The following GRIP1 variants were observed in gnomAD, a reference collection of about 807,000 sequenced individuals.
The protein encoded by GRIP1 is glutamate receptor interacting protein 1, also known as glutamate receptor-interacting protein 1.
A neutral mutation model predicts 129.9 loss-of-function variants in GRIP1; 45 were observed. The ratio of observed to expected loss-of-function variants is 0.35; its 90% confidence interval spans 0.27 to 0.44. The LOEUF (loss-of-function observed/expected upper bound fraction) is 0.44. Ranked by LOEUF, GRIP1 falls within the 20% of genes least tolerant of loss-of-function variation. The pLI is 1.00. For missense variants in GRIP1, 1,196 were observed against 1,396.8 expected, an observed-to-expected ratio of 0.86 and a Z score of 2.29; for synonymous variants, 530 against 520.8, an observed-to-expected ratio of 1.02 and a Z score of -0.24.
chr12:67,061,479 AT>A (rs1165918101), intron 1 of GRIP1, among the ~76,000 whole-genome samples: 1 of 152,224 alleles, frequency 6.6e-6, no homozygotes, highest in African/African-American at 2.4e-5. Context: ...CAGCTTTCTG[AT>A]TTTGAGTATA....
At chr12:66,436,008 AG>A (rs2058292390) in intron 13 of GRIP1, among the ~76,000 whole-genome samples, 1 of 152,266 alleles carries the variant, frequency 6.6e-6, no homozygotes, top group Admixed American at 6.5e-5. Context: ...ACTAGTAAAG[AG>A]GAAAAGGTCC....
chr12:66,628,137 C>T (rs1268557120), intron 1 of GRIP1, among the ~76,000 whole-genome samples: 1 of 152,168 alleles, frequency 6.6e-6, no homozygotes, highest in Admixed American at 6.5e-5. Flanking sequence ...ACCTGCCCAT[C>T]CTTCACTATT....
intron 1 of GRIP1, among the ~76,000 whole-genome samples, chr12:66,706,516 G>A (rs1019489229): frequency 2.0e-5 from 3 of 152,036 alleles, no homozygotes; most frequent in Non-Finnish European, 4.4e-5. Flanking sequence ...CCATTACTGG[G>A]TATATACCCA....
chr12:66,471,182 C>G (rs2059429694), intron 7 of GRIP1, among the ~76,000 whole-genome samples: 1 of 152,146 alleles, frequency 6.6e-6, no homozygotes, highest in Admixed American at 6.5e-5. Context: ...TTTATCTCTA[C>G]TCATCTTTAC....
intron 1 of GRIP1, among the ~76,000 whole-genome samples, chr12:66,841,040 C>A (rs2039706583): frequency 6.6e-6 from 1 of 152,126 alleles, no homozygotes; most frequent in Non-Finnish European, 1.5e-5. Context: ...ATGGGATATA[C>A]TTCCATTAAA....
At chr12:66,446,509 A>G (rs536401026) in intron 11 of GRIP1, among the ~76,000 whole-genome samples, 15 of 152,338 alleles carry the variant, frequency 9.8e-5, no homozygotes, top group African/African-American at 3.4e-4. Context: ...AGACAGGTTC[A>G]TAATACTCCT....
At chr12:67,011,385 T>C (rs1457866280) in intron 1 of GRIP1, among the ~76,000 whole-genome samples, 1 of 152,216 alleles carries the variant, frequency 6.6e-6, no homozygotes, top group East Asian at 1.9e-4. Flanking sequence ...TGCTTCAGTA[T>C]TGTCCTAGTG....
intron 1 of GRIP1, among the ~76,000 whole-genome samples, chr12:67,045,561 T>C (rs1480311848): frequency 6.6e-6 from 1 of 152,228 alleles, no homozygotes; most frequent in Non-Finnish European, 1.5e-5. Flanking sequence ...GCACACTGTC[T>C]TGGCCTGAGG....
chr12:66,551,325 G>A (rs558610084), intron 2 of GRIP1, among the ~76,000 whole-genome samples: 96 of 152,328 alleles, frequency 6.3e-4, no homozygotes, highest in Non-Finnish European at 1.2e-3. Flanking sequence ...CATGGCCTGG[G>A]AGCCTGAAAG....
intron 7 of GRIP1, among the ~76,000 whole-genome samples, chr12:66,477,118 T>C (rs2059640914): frequency 6.6e-6 from 1 of 152,180 alleles, no homozygotes. Flanking sequence ...TGATTGTATA[T>C]TTAGAAAACC....
intron 2 of GRIP1, among the ~76,000 whole-genome samples, chr12:66,566,187 C>T (rs2062750090): frequency 6.6e-6 from 1 of 152,044 alleles, no homozygotes; most frequent in East Asian, 1.9e-4. Flanking sequence ...AGAGGGCATC[C>T]CTGTCTTGTG....
At chr12:67,035,619 G>GA (rs1344627302) in intron 1 of GRIP1, 1 of 152,110 alleles carries the variant, frequency 6.6e-6, no homozygotes, top group Non-Finnish European at 1.5e-5. Flanking sequence ...GCGTTTGCAG[G>GA]AAAATGTGAT....
intron 1 of GRIP1, among the ~76,000 whole-genome samples, chr12:66,875,007 T>C (rs544514240): frequency 1.6e-4 from 24 of 152,180 alleles, no homozygotes; most frequent in African/African-American, 5.5e-4. Flanking sequence ...CCCATCAGAA[T>C]TGGTAGTAAG....
At chr12:66,766,992 C>T (rs1592824552) in intron 1 of GRIP1, among the ~76,000 whole-genome samples, 1 of 152,170 alleles carries the variant, frequency 6.6e-6, no homozygotes, top group Non-Finnish European at 1.5e-5. Context: ...ATAACAAATA[C>T]ATTAGGTTTG....
At chr12:67,027,543 A>T (rs1480151475) in intron 1 of GRIP1, among the ~76,000 whole-genome samples, 1 of 152,232 alleles carries the variant, frequency 6.6e-6, no homozygotes, top group Non-Finnish European at 1.5e-5. Context: ...TGTAGAGTTC[A>T]TAGTCTAATA....
chr12:66,424,458 A>C (rs534489594), intron 14 of GRIP1, among the ~76,000 whole-genome samples: 11 of 152,138 alleles, frequency 7.2e-5, no homozygotes, highest in African/African-American at 2.4e-4. Context: ...ATTACTACCA[A>C]ATTATTTTCT....
intron 22 of GRIP1, among the ~76,000 whole-genome samples, chr12:66,374,515 G>A (rs1259434498): frequency 1.3e-5 from 2 of 152,120 alleles, no homozygotes; most frequent in Non-Finnish European, 2.9e-5. Flanking sequence ...TAGTGTATCT[G>A]ACAGCACTCA....
intron 7 of GRIP1, among the ~76,000 whole-genome samples, chr12:66,481,949 G>T (rs533780796): frequency 4.6e-5 from 7 of 151,954 alleles, no homozygotes; most frequent in Non-Finnish European, 1.0e-4. Flanking sequence ...GGCCTGTCGG[G>T]GGGTGGGAGG....
intron 1 of GRIP1, among the ~76,000 whole-genome samples, chr12:67,015,251 C>T (rs1180222540): frequency 3.3e-5 from 5 of 152,102 alleles, no homozygotes; most frequent in African/African-American, 4.8e-5. Flanking sequence ...TCATATGAAC[C>T]ATAATGACTT....
Sources: allele counts gnomAD v4.1 joint callset (sites outside exome capture counted in the v4.1 genomes callset), GRCh38; gene constraint gnomAD v4.1.1; transcripts MANE v1.5; gene names NCBI Gene and HGNC (gene_info 2026-07-23, HGNC 2026-07-21).